Variants in SLC22A25 observed in about 807,000 individuals in gnomAD.
SLC22A25 encodes solute carrier family 22 member 25.
In SLC22A25, 44 loss-of-function variants were observed where a neutral mutation model predicts 45.9. That is an observed-to-expected ratio of 0.96 (90% confidence interval 0.75 to 1.23). The LOEUF is 1.23. Among genes scored for constraint, SLC22A25 ranks in the 50% most tolerant of loss-of-function variants. The pLI, the probability that SLC22A25 is intolerant of heterozygous loss-of-function variation, is 0.00. For missense variants in SLC22A25, 800 were observed against 666.4 expected (o/e 1.20, Z -2.21); for synonymous variants, 283 against 238.6 (o/e 1.19, Z -1.72).
intron 9 of SLC22A25, among the ~76,000 whole-genome samples, chr11:63,180,216 G>A (rs56375800): frequency 0.053 from 8,078 of 152,092 alleles, 707 homozygotes; most frequent in African/African-American, 0.18. Context: ...TTTCTGTTAC[G>A]TCATCTTGCT....
rs1180308351 is a variant in SLC22A25 at position 63,161,385 on chromosome 11, T to C, written c.*2439A>G. Among the ~76,000 whole-genome samples, 1 of 152,098 alleles carries C rather than the reference T, an allele frequency of 6.6e-6. No individual in the cohort carries two copies. Among genetic ancestry groups the C allele is most frequent in the East Asian group, 1.9e-4 (1 of 5,202 alleles). ...TGGGAAGGCATGATTAGTTTTGAAA[T>C]GTGAGGACATGAGATTTGGGAGGGG... On this transcript the variant is annotated 3_prime_UTR_variant, in exon 12 of 12. Transcript: ENST00000306494.
chr11:63,236,170 T>A (rs975098466), intron 3 of SLC22A25, among the ~76,000 whole-genome samples: 1 of 152,224 alleles, frequency 6.6e-6, no homozygotes, highest in Admixed American at 6.5e-5. Context: ...TCTTCAAAGC[T>A]GTCAGACAGG....
chr11:63,236,262 A>C (rs1447260547), intron 3 of SLC22A25, among the ~76,000 whole-genome samples: 2 of 152,196 alleles, frequency 1.3e-5, no homozygotes, highest in Non-Finnish European at 2.9e-5. Flanking sequence ...AGAAGCAGGC[A>C]GGCCTCCTTG....
At position 63,166,161 on chromosome 11, in the gene SLC22A25, G is replaced by C. The variant is rs1393863965; in HGVS notation, c.1168C>G (p.Leu390Val). The change falls in exon 10 of 12, where the codon CTC becomes GTC. Residue 390 changes from leucine to valine, a missense_variant. By Grantham distance (32) the Leu-to-Val change is conservative (BLOSUM62 1). Coordinates refer to ENST00000306494, the MANE Select transcript of SLC22A25 (RefSeq NM_199352.6). The stretch of plus-strand genomic sequence containing the variant: ...CAAGGTGCAACACAATTGGCCAGGA[G>C]GGTGACTGCACCAAAGAGAGTCTGC... The part of the protein sequence containing the change: ...LLQTLFGAVT[L>V]LANCVAPWAL... The C allele has an allele frequency of 6.2e-7, 1 of 1,614,040 alleles. No individual in the cohort carries two copies. The highest frequency in any genetic ancestry group is 8.5e-7 in the Non-Finnish European group (1 of 1,179,964).
intron 7 of SLC22A25, among the ~76,000 whole-genome samples, chr11:63,188,101 A>G (rs1179384270): frequency 6.6e-6 from 1 of 152,146 alleles, no homozygotes; most frequent in Non-Finnish European, 1.5e-5. Context: ...TACTGATTGG[A>G]ATAGTTTCAG....
intron 7 of SLC22A25, among the ~76,000 whole-genome samples, chr11:63,212,819 T>C (rs956334698): frequency 2.6e-5 from 4 of 151,928 alleles, no homozygotes; most frequent in Non-Finnish European, 5.9e-5. Flanking sequence ...AAAAAAAAAT[T>C]CTACCATTTT....
intron 7 of SLC22A25, among the ~76,000 whole-genome samples, chr11:63,199,627 A>C (rs112521057): frequency 6.6e-6 from 1 of 152,060 alleles, no homozygotes; most frequent in Non-Finnish European, 1.5e-5. Context: ...TAGTCTCCAA[A>C]GTAGCTCACT....
chr11:63,210,030 A>G (rs2089515401), intron 7 of SLC22A25, among the ~76,000 whole-genome samples: 1 of 152,254 alleles, frequency 6.6e-6, no homozygotes, highest in Admixed American at 6.5e-5. Context: ...GAATATGAGT[A>G]AAATATCAGA....
chr11:63,161,862 A>G lies in SLC22A25; in HGVS notation c.*1962T>C, dbSNP rs1436712264. Among the ~76,000 whole-genome samples, 3 of 152,052 alleles carry G rather than the reference A, an allele frequency of 2.0e-5. No homozygotes were observed. Among genetic ancestry groups the G allele is most frequent in the Non-Finnish European group, 2.9e-5 (2 of 67,994 alleles). On this transcript the variant is annotated 3_prime_UTR_variant, in exon 12 of 12. Coordinates refer to ENST00000306494, the MANE Select transcript of SLC22A25 (RefSeq NM_199352.6). Reference sequence around the variant, plus strand: ...AATCTCCAAACTCTTCTCCATAGTGATTGTACTAATTTACATTCCCACCAA... The same window carrying G: ...AATCTCCAAACTCTTCTCCATAGTGGTTGTACTAATTTACATTCCCACCAA...
chr11:63,194,299 A>G (rs2134761198), intron 7 of SLC22A25, among the ~76,000 whole-genome samples: 1 of 152,324 alleles, frequency 6.6e-6, no homozygotes, highest in South Asian at 2.1e-4. Flanking sequence ...ATTCAAATTC[A>G]GGAAATACAG....
rs193064179 is a variant in SLC22A25, at chr11:63,201,142, G to A, written c.830+16172C>T. Among the ~76,000 whole-genome samples the A allele has an allele frequency of 1.3e-3, 194 of 152,224 alleles. 1 individual carries two copies. The highest frequency in any genetic ancestry group is 3.1e-3 in the South Asian group (15 of 4,818). ...ACCACTGAGATTCTTCACAGAGCTA[G>A]GAAAAACTATTTTAAAATACATATG... On this transcript the variant is annotated intron_variant, in intron 7 of 11. Coordinates refer to ENST00000306494, the MANE Select transcript of SLC22A25 (RefSeq NM_199352.6).
At chr11:63,198,701 A>C (rs1413168771) in intron 7 of SLC22A25, among the ~76,000 whole-genome samples, 2 of 152,208 alleles carry the variant, frequency 1.3e-5, no homozygotes, top group African/African-American at 4.8e-5. Context: ...CATGTACCCT[A>C]GTACTTTAAG....
At chr11:63,186,000 A>C (rs1478963705) in intron 7 of SLC22A25, among the ~76,000 whole-genome samples, 1 of 151,954 alleles carries the variant, frequency 6.6e-6, no homozygotes, top group Non-Finnish European at 1.5e-5. Flanking sequence ...GCCACAATAA[A>C]CATACGTGTG....
intron 5 of SLC22A25, among the ~76,000 whole-genome samples, chr11:63,225,417 GT>G (rs1025272142): frequency 3.9e-5 from 6 of 151,984 alleles, no homozygotes; most frequent in African/African-American, 9.7e-5. Flanking sequence ...TAGGGTAAAA[GT>G]TTTTTTTCTT....
intron 3 of SLC22A25, among the ~76,000 whole-genome samples, chr11:63,230,541 A>G (rs1021330053): frequency 6.6e-6 from 1 of 152,244 alleles, no homozygotes; most frequent in African/African-American, 2.4e-5. Context: ...AATTGCAGAC[A>G]AAATATAGGA....
intron 7 of SLC22A25, among the ~76,000 whole-genome samples, chr11:63,208,569 T>A (rs2089471424): frequency 6.6e-6 from 1 of 151,956 alleles, no homozygotes; most frequent in African/African-American, 2.4e-5. Context: ...GGTGTGTGTA[T>A]GTGTGAGAAT....
At chr11:63,204,145 G>A (rs1257807279) in intron 7 of SLC22A25, among the ~76,000 whole-genome samples, 1 of 152,178 alleles carries the variant, frequency 6.6e-6, no homozygotes, top group Non-Finnish European at 1.5e-5. Context: ...CCTTACAAGA[G>A]CTCCTGAAGG....
At position 63,166,097 on chromosome 11, in the gene SLC22A25, A is replaced by C. The variant is rs771900103; in HGVS notation, c.1232T>G (p.Leu411Arg). Residue 411 changes from leucine to arginine, a missense_variant, in exon 10 of 12, where the codon CTT becomes CGT. Physicochemically the swap from Leu to Arg is moderately radical, Grantham distance 102. Transcript: ENST00000306494. ...NHMSRRLSQM[L>R]LMFLLATCLL... ...GCAGGTTGCCAGTAGGAACATGAGA[A>C]GCATCTGGCTTAGTCGACGGCTCAT... is the stretch of plus-strand genomic sequence containing the variant. 1 of 1,614,044 alleles carries C rather than the reference A, an allele frequency of 6.2e-7. No individual in the cohort carries two copies. Among genetic ancestry groups the C allele is most frequent in the Non-Finnish European group, 8.5e-7 (1 of 1,179,944 alleles).
intron 9 of SLC22A25, among the ~76,000 whole-genome samples, chr11:63,179,303 T>C (rs951594667): frequency 6.6e-6 from 1 of 152,136 alleles, no homozygotes; most frequent in African/African-American, 2.4e-5. Flanking sequence ...ATTTATTTTG[T>C]TCCCTTTTGT....
Sources: gnomAD v4.1 joint callset for allele counts (sites outside exome capture counted in the v4.1 genomes callset) on GRCh38, gnomAD v4.1.1 for gene constraint, MANE v1.5 for transcripts, NCBI Gene and HGNC (gene_info 2026-07-23, HGNC 2026-07-21) for gene names.